Variants in SCRG1 observed in about 807,000 individuals in gnomAD.
SCRG1 encodes the protein scrapie-responsive protein 1.
SCRG1 carries 3 observed loss-of-function variants against 7.7 expected under a neutral mutation model. The observed-to-expected ratio is 0.39, with a 90% CI of 0.18 to 1.01. The LOEUF (loss-of-function observed/expected upper bound fraction) is 1.01, where lower values mean the gene tolerates loss of function less well. SCRG1 is among the 50% of genes least tolerant of loss of function. SCRG1 has a pLI of 0.36. For missense variants in SCRG1, 110 were observed against 117.2 expected (o/e 0.94, Z 0.28); for synonymous variants, 46 against 41.2 (o/e 1.12, Z -0.44).
the SCRG1 span, among the ~76,000 whole-genome samples, chr4:173,440,484 CAGAT>C: frequency 6.6e-6 from 1 of 152,116 alleles, no homozygotes; most frequent in Non-Finnish European, 1.5e-5. Flanking sequence ...TTTATTTTGA[CAGAT>C]AGTGTGTTAG....
At chr4:173,483,978 A>C in the SCRG1 span, among the ~76,000 whole-genome samples, 1 of 45,326 alleles carries the variant, frequency 2.2e-5, no homozygotes, top group Non-Finnish European at 5.0e-5. Flanking sequence ...TATATAATAT[A>C]TAGTATATTA....
At chr4:173,393,003 A>G (rs1052091021) in intron 1 of SCRG1, among the ~76,000 whole-genome samples, 2 of 152,016 alleles carry the variant, frequency 1.3e-5, no homozygotes, top group African/African-American at 4.8e-5. Flanking sequence ...AGGCATGACA[A>G]TGGCTTGAAC....
At chr4:173,428,542 G>C in the SCRG1 span, among the ~76,000 whole-genome samples, 1 of 152,176 alleles carries the variant, frequency 6.6e-6, no homozygotes, top group African/African-American at 2.4e-5. Flanking sequence ...CATGGAGGCT[G>C]TACACCTAAG....
At chr4:173,497,023 G>A in the SCRG1 span, among the ~76,000 whole-genome samples, 19 of 152,162 alleles carry the variant, frequency 1.2e-4, no homozygotes, top group East Asian at 2.7e-3. Context: ...GGAGAATGGC[G>A]TGAACCTGGG....
At chr4:173,487,107 G>A in the SCRG1 span, among the ~76,000 whole-genome samples, 1 of 152,208 alleles carries the variant, frequency 6.6e-6, no homozygotes, top group African/African-American at 2.4e-5. Context: ...ATGGGGTGGA[G>A]CCTGCCTGTC....
chr4:173,476,363 A>AAAAAAATATATATAT, the SCRG1 span, among the ~76,000 whole-genome samples: 12 of 98,468 alleles, frequency 1.2e-4, no homozygotes, highest in Non-Finnish European at 1.6e-4. Context: ...GGAAAAAAAA[A>AAAAAAATATATATAT]ATATATATAT....
At chr4:173,473,302 G>A in the SCRG1 span, among the ~76,000 whole-genome samples, 1 of 152,218 alleles carries the variant, frequency 6.6e-6, no homozygotes, top group East Asian at 1.9e-4. Context: ...AAGTGTTAAT[G>A]GTAGGCTGGC....
chr4:173,418,215 C>T, the SCRG1 span, among the ~76,000 whole-genome samples: 1,045 of 152,332 alleles, frequency 6.9e-3, 12 homozygotes, highest in African/African-American at 0.024. Context: ...CCTGCATTGA[C>T]CTTGGACTTG....
chr4:173,507,789 G>T, the SCRG1 span, among the ~76,000 whole-genome samples: 1 of 152,180 alleles, frequency 6.6e-6, no homozygotes, highest in South Asian at 2.1e-4. This position sits in a 1 kb window ranked among gnomAD's most constrained non-coding sequence, Gnocchi z 4.4. Flanking sequence ...GGGCTGGCTG[G>T]GTGCATGGAA....
chr4:173,399,053 GA>G lies in SCRG1; in HGVS notation c.-15+14del, dbSNP rs1397749628. ...ACTGACATAAGATGTTTTTTATAGAGAAAAAATTACATACCTTTTTCTTCTT... is the reference window on the plus strand; with the variant it reads ...ACTGACATAAGATGTTTTTTATAGAGAAAAATTACATACCTTTTTCTTCTT... On this transcript the variant is annotated intron_variant, in intron 1 of 2. Coordinates refer to ENST00000296506, the MANE Select transcript of SCRG1 (RefSeq NM_007281.4). The G allele has an allele frequency of 1.3e-5, 2 of 152,150 alleles. No homozygotes were observed. Among genetic ancestry groups the G allele is most frequent in the Non-Finnish European group, 2.9e-5 (2 of 68,010 alleles). 9.4% of individuals were successfully genotyped at this position (152,150 alleles called of 1,614,324 possible).
the SCRG1 span, among the ~76,000 whole-genome samples, chr4:173,486,028 T>C: frequency 1.3e-5 from 2 of 152,136 alleles, no homozygotes; most frequent in Admixed American, 6.6e-5. Context: ...ATAAACTATG[T>C]CAAAGGCATG....
the SCRG1 span, among the ~76,000 whole-genome samples, chr4:173,512,482 A>G: frequency 6.6e-6 from 1 of 152,236 alleles, no homozygotes; most frequent in Non-Finnish European, 1.5e-5. Flanking sequence ...CTCCCCTGGC[A>G]CTCAAGTGCA....
chr4:173,437,097 C>T, the SCRG1 span, among the ~76,000 whole-genome samples: 1 of 152,222 alleles, frequency 6.6e-6, no homozygotes, highest in Non-Finnish European at 1.5e-5. Context: ...TCTATGTTAA[C>T]ATCAACTCCT....
chr4:173,434,955 G>T, the SCRG1 span, among the ~76,000 whole-genome samples: 1 of 152,114 alleles, frequency 6.6e-6, no homozygotes, highest in Admixed American at 6.5e-5. Flanking sequence ...CAGGCCCAGG[G>T]GTTCAGGCTG....
chr4:173,504,248 GGCCCAAGTC>G, the SCRG1 span, among the ~76,000 whole-genome samples: 1 of 152,152 alleles, frequency 6.6e-6, no homozygotes, highest in Admixed American at 6.5e-5. This position sits in a 1 kb window ranked among gnomAD's most constrained non-coding sequence, Gnocchi z 4.7. Flanking sequence ...AGATCACTCT[GGCCCAAGTC>G]ACCAGGGATG....
At chr4:173,435,497 C>T in the SCRG1 span, among the ~76,000 whole-genome samples, 26 of 152,288 alleles carry the variant, frequency 1.7e-4, no homozygotes, top group African/African-American at 5.8e-4. Flanking sequence ...GGGCCTTTCA[C>T]TCATCAGTGA....
At chr4:173,438,533 A>AT in the SCRG1 span, among the ~76,000 whole-genome samples, 12,315 of 152,102 alleles carry the variant, frequency 0.081, 596 homozygotes, top group Non-Finnish European at 0.097. Context: ...TGGAAATGAG[A>AT]TTTTTTGATA....
the SCRG1 span, among the ~76,000 whole-genome samples, chr4:173,477,946 T>G: frequency 6.6e-6 from 1 of 152,014 alleles, no homozygotes; most frequent in Non-Finnish European, 1.5e-5. Flanking sequence ...TTTTTTAATT[T>G]TTTGGTAGAA....
At chr4:173,430,351 CATTCT>C in the SCRG1 span, among the ~76,000 whole-genome samples, 1 of 152,124 alleles carries the variant, frequency 6.6e-6, no homozygotes, top group African/African-American at 2.4e-5. Flanking sequence ...ATGTAAAAAG[CATTCT>C]CAGGTTGATA....
Sources: allele counts gnomAD v4.1 joint callset (sites outside exome capture counted in the v4.1 genomes callset), GRCh38; gene constraint gnomAD v4.1.1; non-coding constraint Gnocchi (gnomAD v3.1); transcripts MANE v1.5; gene names NCBI Gene and HGNC (gene_info 2026-07-23, HGNC 2026-07-21).